Variants in SLIT2 observed in about 807,000 individuals in gnomAD.
SLIT2 encodes slit homolog 2 protein.
Under a neutral mutation model 185.7 loss-of-function variants are expected in SLIT2, and 41 were observed. The observed-to-expected ratio is 0.22, with a 90% CI of 0.17 to 0.29. The LOEUF (loss-of-function observed/expected upper bound fraction) is 0.29. Ranked by LOEUF, SLIT2 falls within the 10% of genes least tolerant of loss-of-function variation. SLIT2 has a pLI of 1.00. For missense variants in SLIT2, 1,571 were observed against 1,909.0 expected, an observed-to-expected ratio of 0.82 and a Z score of 3.30; for synonymous variants, 693 against 680.2, an observed-to-expected ratio of 1.02 and a Z score of -0.29.
Position 20,568,761 on chromosome 4 carries a change from C to T in SLIT2, c.2949-104C>T, listed in dbSNP as rs890547195. 6.0e-6 allele frequency: 6 copies of T among 995,226 alleles called. No individual in the cohort carries two copies. In the African/African-American group the frequency reaches 8.1e-5, roughly 13 times the overall value. 61.6% of individuals were successfully genotyped at this position (995,226 alleles called of 1,614,324 possible). A position where few individuals can be genotyped will look rare whatever the true frequency, so the allele number is the denominator to read the frequency against. On this transcript the variant is annotated intron_variant, in intron 28 of 36. Transcript: ENST00000504154. ...AAAATCAATTTCTGGTAGTTAAAAG[C>T]TCTATGGTTGATGAGTGTAATTATG...
chr4:20,341,406 G>A (rs1311949293), intron 4 of SLIT2, among the ~76,000 whole-genome samples: 2 of 152,180 alleles, frequency 1.3e-5, no homozygotes, highest in Non-Finnish European at 2.9e-5. Flanking sequence ...TTACTGTTTT[G>A]TTTACTGTAA....
intron 16 of SLIT2, among the ~76,000 whole-genome samples, chr4:20,529,729 G>A (rs1037931781): frequency 6.6e-6 from 1 of 152,206 alleles, no homozygotes; most frequent in Non-Finnish European, 1.5e-5. Flanking sequence ...CTATGCCCAT[G>A]CATGGTTTGC....
chr4:20,321,722 C>A (rs1176693025), intron 4 of SLIT2, among the ~76,000 whole-genome samples: 2 of 152,202 alleles, frequency 1.3e-5, no homozygotes, highest in Non-Finnish European at 2.9e-5. Context: ...TTACGTTAGA[C>A]CTTACCGCCT....
At chr4:20,474,345 A>G (rs1256545039) in intron 5 of SLIT2, among the ~76,000 whole-genome samples, 2 of 152,056 alleles carry the variant, frequency 1.3e-5, no homozygotes, top group East Asian at 3.9e-4. Context: ...GCTTGGTTGC[A>G]CTGCCTCTGA....
intron 5 of SLIT2, among the ~76,000 whole-genome samples, chr4:20,475,420 T>G (rs1323339807): frequency 2.0e-5 from 3 of 151,936 alleles, no homozygotes; most frequent in Non-Finnish European, 2.9e-5. Context: ...TCTTCCATAG[T>G]AATCATTGAT....
chr4:20,595,763 C>G lies in SLIT2; in HGVS notation c.3249C>G (p.Asn1083Lys). The G allele has an allele frequency of 6.2e-7, 1 of 1,614,096 alleles. No individual in the cohort carries two copies. The highest frequency in any genetic ancestry group is 1.1e-5 in the South Asian group (1 of 91,084). ...CDIDFDDCQD[N>K]KCKNGAHCTD... is the part of the protein sequence containing the mutation. ...TCGATTTTGACGACTGCCAAGACAACAAGTGTAAAAACGGAGCCCACTGCA... is the reference window on the plus strand; with the variant it reads ...TCGATTTTGACGACTGCCAAGACAAGAAGTGTAAAAACGGAGCCCACTGCA... The change falls in exon 31 of 37, where the codon AAC (asparagine) becomes AAG (lysine). Residue 1083 changes from asparagine (N) to lysine (K), a missense_variant. Around this residue, in one of 3 missense-constraint regions of SLIT2, gnomAD observed 1,202 missense variants for 1,416.4 expected, o/e 0.85. Coordinates refer to ENST00000504154, the MANE Select transcript of SLIT2 (RefSeq NM_004787.4).
At chr4:20,472,282 A>ATAGATC (rs1715204152) in intron 5 of SLIT2, among the ~76,000 whole-genome samples, 1 of 28,582 alleles carries the variant, frequency 3.5e-5, no homozygotes, top group African/African-American at 2.5e-4. Context: ...ATATCTATAT[A>ATAGATC]TATAGATATA....
intron 4 of SLIT2, among the ~76,000 whole-genome samples, chr4:20,345,491 C>CT (rs1001641646): frequency 4.1e-4 from 57 of 139,638 alleles, no homozygotes; most frequent in South Asian, 1.9e-3. Flanking sequence ...ATACTTATTT[C>CT]TTTTTTTTTT....
At chr4:20,530,368 C>T (rs918975265) in intron 16 of SLIT2, among the ~76,000 whole-genome samples, 5 of 152,018 alleles carry the variant, frequency 3.3e-5, no homozygotes, top group African/African-American at 1.2e-4. Flanking sequence ...CTCCTGGGCG[C>T]AAGGGATCCT....
At chr4:20,587,346 A>G (rs1275482754) in intron 29 of SLIT2, among the ~76,000 whole-genome samples, 2 of 152,112 alleles carry the variant, frequency 1.3e-5, no homozygotes, top group East Asian at 1.9e-4. Flanking sequence ...GACGTTGTCA[A>G]CCTATCTTAC....
chr4:20,378,751 A>C (rs1427154341), intron 4 of SLIT2, among the ~76,000 whole-genome samples: 1 of 152,158 alleles, frequency 6.6e-6, no homozygotes, highest in Non-Finnish European at 1.5e-5. Context: ...TTACTCAAAC[A>C]AGTTGAAAAC....
intron 4 of SLIT2, among the ~76,000 whole-genome samples, chr4:20,404,002 G>A (rs1195969957): frequency 6.6e-6 from 1 of 151,776 alleles, no homozygotes; most frequent in Non-Finnish European, 1.5e-5. Flanking sequence ...CCTCAATAAA[G>A]ATGAATTATT....
At chr4:20,475,662 C>T (rs533900628) in intron 5 of SLIT2, among the ~76,000 whole-genome samples, 27 of 151,896 alleles carry the variant, frequency 1.8e-4, no homozygotes, top group African/African-American at 5.8e-4. Context: ...AATAAGATGA[C>T]GTATCTACAG....
At chr4:20,514,469 C>A (rs112507437) in intron 11 of SLIT2, among the ~76,000 whole-genome samples, 1 of 151,860 alleles carries the variant, frequency 6.6e-6, no homozygotes, top group Non-Finnish European at 1.5e-5. Context: ...GGTGAAACCC[C>A]GTCTCTACTG....
chr4:20,468,107 TTTTTTCCCCAC>T (rs1225328360), intron 5 of SLIT2, among the ~76,000 whole-genome samples: 3 of 152,102 alleles, frequency 2.0e-5, no homozygotes, highest in Non-Finnish European at 2.9e-5. Flanking sequence ...GATATTTGTG[TTTTTTCCCCAC>T]TTTTTCTATC....
At position 20,550,918 on chromosome 4, in the gene SLIT2, A is replaced by G. The variant is rs1723689634; in HGVS notation, c.2561+20A>G. The G allele has an allele frequency of 1.4e-6, 2 of 1,471,978 alleles. 1 individual carries two copies. Among genetic ancestry groups the G allele is most frequent in the South Asian group, 2.3e-5 (2 of 87,346 alleles). The allele number at this position is 1,471,978 out of a possible 1,614,324, so 91.2% of individuals were successfully genotyped here. A position where few individuals can be genotyped will look rare whatever the true frequency, so the allele number is the denominator to read the frequency against. On this transcript the variant is annotated intron_variant, in intron 25 of 36. Coordinates refer to ENST00000504154, the MANE Select transcript of SLIT2 (RefSeq NM_004787.4). ...ACATCTGTGAGTACCTAGTTTATGA[A>G]TATAGGTTTAGGGTCAAACACTTCC...
intron 4 of SLIT2, among the ~76,000 whole-genome samples, chr4:20,459,877 T>TTTC (rs1713504564): frequency 6.6e-6 from 1 of 151,604 alleles, no homozygotes; most frequent in Non-Finnish European, 1.5e-5. Flanking sequence ...TTTTTTTTTT[T>TTTC]TTTGAGATGG....
chr4:20,581,903 CA>C (rs553156693), intron 29 of SLIT2, among the ~76,000 whole-genome samples: 81 of 152,290 alleles, frequency 5.3e-4, no homozygotes, highest in African/African-American at 1.8e-3. Flanking sequence ...CCCACTACCA[CA>C]CCTGGCTAAT....
intron 9 of SLIT2, among the ~76,000 whole-genome samples, chr4:20,502,265 A>T (rs143498283): frequency 7.4e-4 from 112 of 152,350 alleles, no homozygotes; most frequent in African/African-American, 2.5e-3. Flanking sequence ...TAAAATGGTA[A>T]GGACAGACAG....
Sources: allele counts gnomAD v4.1 joint callset (sites outside exome capture counted in the v4.1 genomes callset), GRCh38; gene constraint gnomAD v4.1.1; regional missense constraint gnomAD v4.1.1; transcripts MANE v1.5; gene names NCBI Gene and HGNC (gene_info 2026-07-23, HGNC 2026-07-21).